The following MKI67 variants were observed in gnomAD, a reference collection of about 807,000 sequenced individuals.
The protein encoded by MKI67 is marker of proliferation Ki-67, also known as proliferation marker protein Ki-67.
Under a neutral mutation model 233.5 loss-of-function variants are expected in MKI67, and 152 were observed. The ratio of observed to expected loss-of-function variants is 0.65; its 90% CI spans 0.57 to 0.74. The LOEUF (loss-of-function observed/expected upper bound fraction) is 0.74, where lower values mean the gene tolerates loss of function less well. Ranked by LOEUF, MKI67 falls within the 30% of genes least tolerant of loss-of-function variation. MKI67 has a pLI of 0.00. For synonymous variants in MKI67, 1,465 were observed against 1,418.5 expected (o/e 1.03, Z -0.74); for missense variants, 3,940 against 3,885.2 (o/e 1.01, Z -0.37).
intron 4 of MKI67, among the ~76,000 whole-genome samples, chr10:128,121,918 A>G (rs897858421): frequency 6.6e-6 from 1 of 152,134 alleles, no homozygotes; most frequent in African/African-American, 2.4e-5. Context: ...TTCTTGTATC[A>G]CTGTTAAGGA....
chr10:128,100,461 C>A (rs1590291056), intron 14 of MKI67, among the ~76,000 whole-genome samples: 1 of 152,176 alleles, frequency 6.6e-6, no homozygotes, highest in East Asian at 1.9e-4. Flanking sequence ...GAGGTTATTG[C>A]TACATGAGTT....
chr10:128,113,995 ACTC>A (rs1372410162), intron 7 of MKI67, among the ~76,000 whole-genome samples: 1 of 150,422 alleles, frequency 6.6e-6, no homozygotes, highest in African/African-American at 2.5e-5. Flanking sequence ...AGCTGTAAAA[ACTC>A]CTCCAGGTGG....
chr10:128,110,244 A>G (rs1852641887), intron 12 of MKI67, 134 bp downstream of exon 12: 1 of 642,698 alleles, frequency 1.6e-6, no homozygotes, highest in Non-Finnish European at 2.4e-6. Flanking sequence ...TTCAATTAGA[A>G]CAGAGAAGAC....
chr10:128,117,957 C>T (rs755811649), intron 5 of MKI67, among the ~76,000 whole-genome samples: 2 of 152,212 alleles, frequency 1.3e-5, no homozygotes, highest in Non-Finnish European at 2.9e-5. Flanking sequence ...GTTCAACTGG[C>T]TTTTTGGTTT....
chr10:128,111,110 G>A (rs557324478), intron 11 of MKI67, among the ~76,000 whole-genome samples: 4 of 152,200 alleles, frequency 2.6e-5, no homozygotes, highest in South Asian at 2.1e-4. Flanking sequence ...GAGCCACTGC[G>A]CCGGCCATCC....
chr10:128,106,610 G>A lies in MKI67; in HGVS notation c.5230C>T (p.Leu1744=), dbSNP rs562471235. The A allele has an allele frequency of 6.2e-7, 1 of 1,614,188 alleles. No homozygotes were observed. Among genetic ancestry groups the A allele is most frequent in the Non-Finnish European group, 8.5e-7 (1 of 1,180,024 alleles). ...TTGGAGCTTGTTGGGGTGTCCACTA[G>A]GTCTGGCTGTGAAGCTCTGTAGGAT... The part of the protein sequence containing the change: ...KVSYRASQPD[L]VDTPTSSKPQ... The change falls in exon 13 of 15, where the codon CTA becomes TTA. Residue 1744 remains leucine (L), a synonymous_variant. Transcript: ENST00000368654.
rs141265599 is a variant in MKI67 at position 128,115,568 on chromosome 10, T to C, written c.840A>G (p.Leu280=). 6.2e-7 allele frequency: 1 copy of C among 1,614,256 alleles called. No homozygotes were observed. Among genetic ancestry groups the C allele is most frequent in the Non-Finnish European group, 8.5e-7 (1 of 1,180,048 alleles). Residue 280 remains leucine (L), a synonymous_variant, in exon 7 of 15, where the codon TTA becomes TTG. Coordinates refer to ENST00000368654, the MANE Select transcript of MKI67 (RefSeq NM_002417.5). The part of the protein sequence containing the change: ...YATEKESADG[L]QGETQLLVSR... ...AGACCAACAGTTGGGTCTCCCCCTG[T>C]AAACCATCAGCACTTTCTTTCTCTG...
Position 128,106,767 on chromosome 10 carries a change from A to G in MKI67, c.5073T>C (p.Thr1691=). ...KQILDSAASL[T]GSKRQLRTPK... Reference sequence around the variant, plus strand: ...GAGTTCTCAGCTGCCTCTTGCTGCCAGTTAGACTTGCTGCTGAGTCTAAGA... The same window carrying G: ...GAGTTCTCAGCTGCCTCTTGCTGCCGGTTAGACTTGCTGCTGAGTCTAAGA... Residue 1691 remains threonine (T), a synonymous_variant, in exon 13 of 15, where the codon ACT becomes ACC. Coordinates refer to ENST00000368654, the MANE Select transcript of MKI67 (RefSeq NM_002417.5). 1.2e-6 allele frequency: 2 copies of G among 1,614,078 alleles called. No homozygotes were observed. Among genetic ancestry groups the G allele is most frequent in the Non-Finnish European group, 1.7e-6 (2 of 1,180,032 alleles).
Position 128,109,385 on chromosome 10 carries a change from GT to G in MKI67, c.2454del (p.Lys818AsnfsTer13). The G allele has an allele frequency of 6.2e-7, 1 of 1,613,988 alleles. No individual in the cohort carries two copies. The highest frequency in any genetic ancestry group is 8.5e-7 in the Non-Finnish European group (1 of 1,179,914). On this transcript the variant is annotated frameshift_variant, in exon 13 of 15. Transcript: ENST00000368654. LOFTEE classifies it high-confidence loss of function. ...NVFFSAQNAA[K>X]QPSDKCSASP... ...CTTGCAGAGCATTTATCAGATGGCTGTTTTGCTGCATTCTGTGCACTGAAGA... is the reference window on the plus strand; with the variant it reads ...CTTGCAGAGCATTTATCAGATGGCTGTTTGCTGCATTCTGTGCACTGAAGA...
intron 14 of MKI67, 84 bp from the exon 15 acceptor site, chr10:128,099,339 G>T: frequency 4.9e-6 from 5 of 1,023,038 alleles, no homozygotes; most frequent in Non-Finnish European, 7.3e-6. Flanking sequence ...AACCCCAAAG[G>T]CTTACTAGGT....
chr10:128,105,168 T>C lies in MKI67; in HGVS notation c.6672A>G (p.Pro2224=), dbSNP rs766581429. 6.2e-7 allele frequency: 1 copy of C among 1,613,836 alleles called. No homozygotes were observed. Among genetic ancestry groups the C allele is most frequent in the Non-Finnish European group, 8.5e-7 (1 of 1,179,986 alleles). ...TTGGGGTACCCACTGGGTCTGGTTG[T>C]GGAGATCTGCAGGCTATTTTGGTAG... ...EKTTKIACRS[P]QPDPVGTPTI... The change falls in exon 13 of 15, where the codon CCA becomes CCG. Residue 2224 remains proline (P), a synonymous_variant. Transcript: ENST00000368654.
intron 12 of MKI67, 22 bp from the exon 13 acceptor site, chr10:128,109,445 T>C (rs371282832): frequency 1.2e-5 from 19 of 1,590,052 alleles, no homozygotes; most frequent in Admixed American, 3.6e-5. Flanking sequence ...ACATACACAA[T>C]AAAAACATTC....
In MKI67 at chr10:128,115,178, G is replaced by A; in HGVS notation, c.1230C>T (p.Asp410=). ...RTPAKVEDAA[D]SATKPENLSS... is the part of the protein sequence containing the mutation. ...AGAGATTTTCTGGCTTAGTGGCAGAGTCAGCTGCATCTTCAACTTTAGCTG... is the reference window on the plus strand; with the variant it reads ...AGAGATTTTCTGGCTTAGTGGCAGAATCAGCTGCATCTTCAACTTTAGCTG... The change falls in exon 7 of 15, where the codon GAC becomes GAT. Residue 410 remains aspartate, a synonymous_variant. Coordinates refer to ENST00000368654, the MANE Select transcript of MKI67 (RefSeq NM_002417.5). 6.2e-7 allele frequency: 1 copy of A among 1,614,214 alleles called. No homozygotes were observed. Among genetic ancestry groups the A allele is most frequent in the South Asian group, 1.1e-5 (1 of 91,076 alleles).
Position 128,107,558 on chromosome 10 carries a change from C to T in MKI67, c.4282G>A (p.Asp1428Asn), listed in dbSNP as rs199813600. The change falls in exon 13 of 15, where the codon GAT becomes AAT. Residue 1428 changes from aspartate (D) to asparagine (N), a missense_variant. Transcript: ENST00000368654. ...THTDKVPGGE[D>N]KSINAFRETA... The stretch of plus-strand genomic sequence containing the variant: ...TCCCTAAACGCGTTGATGCTTTTAT[C>T]CTCACCTCCTGGTACTTTATCTGTG... The T allele has an allele frequency of 7.2e-5, 116 of 1,613,938 alleles. No homozygotes were observed. Among genetic ancestry groups the T allele is most frequent in the Admixed American group, 4.0e-4 (24 of 59,992 alleles).
intron 11 of MKI67, 123 bp from the exon 12 acceptor site, chr10:128,110,656 G>A (rs1852655851): frequency 1.6e-6 from 1 of 621,486 alleles, no homozygotes; most frequent in Admixed American, 2.7e-5. Context: ...TTGAAATCCT[G>A]GTACATAGGC....
chr10:128,117,219 G>A (rs1339858153), intron 5 of MKI67, among the ~76,000 whole-genome samples: 1 of 151,914 alleles, frequency 6.6e-6, no homozygotes, highest in East Asian at 1.9e-4. Flanking sequence ...CCCCCCACGA[G>A]CTCAGAACTA....
In MKI67 at chr10:128,125,824, A is replaced by C. The variant is rs1204348666; in HGVS notation, c.-89-68T>G. On this transcript the variant is annotated intron_variant, in intron 1 of 14. Transcript: ENST00000368654. This position sits in a 1 kb window ranked among gnomAD's most constrained non-coding sequence, Gnocchi z 5.3. The stretch of plus-strand genomic sequence containing the variant: ...GAAGGGCCCCGTGCCCAATTCACCT[A>C]TCCCCGGCCACAGAAGCGCACACCG... The C allele has an allele frequency of 5.8e-6, 4 of 685,816 alleles. No individual in the cohort carries two copies. Among genetic ancestry groups the C allele is most frequent in the Non-Finnish European group, 5.2e-6 (2 of 386,704 alleles). The allele number at this position is 685,816 out of a possible 1,614,324, so 42.5% of individuals were successfully genotyped here. A position where few individuals can be genotyped will look rare whatever the true frequency, so the allele number is the denominator to read the frequency against.
Position 128,115,540 on chromosome 10 carries a change from G to C in MKI67, c.868C>G (p.Arg290Gly). ...LQGETQLLVS[R>G]KSRPKSGGSG... The stretch of plus-strand genomic sequence containing the variant: ...CCACCAGATTTTGGTCTTGACTTAC[G>C]CGAGACCAACAGTTGGGTCTCCCCC... The change falls in exon 7 of 15, where the codon CGT becomes GGT. Residue 290 changes from arginine to glycine, a missense_variant. By Grantham distance (125) the Arg-to-Gly change is moderately radical. Coordinates refer to ENST00000368654, the MANE Select transcript of MKI67 (RefSeq NM_002417.5). 5 of 1,614,168 alleles carry C rather than the reference G, an allele frequency of 3.1e-6. No homozygotes were observed. The highest frequency in any genetic ancestry group is 4.2e-6 in the Non-Finnish European group (5 of 1,180,034).
At position 128,106,302 on chromosome 10, in the gene MKI67, G is replaced by T. The variant is rs750584374; in HGVS notation, c.5538C>A (p.Asn1846Lys). ...TGGTAGTTTTCTCATCAGTCGTGGG[G>T]TTATCAGTGCATGGTGTCTGGAAAA... The part of the protein sequence containing the change: ...RELFQTPCTD[N>K]PTTDEKTTKK... Residue 1846 changes from asparagine (N) to lysine (K), a missense_variant, in exon 13 of 15, where the codon AAC (asparagine) becomes AAA (lysine). By Grantham distance (94) the Asn-to-Lys change is moderately conservative (BLOSUM62 0). Transcript: ENST00000368654. 6 of 1,613,276 alleles carry T rather than the reference G, an allele frequency of 3.7e-6. No homozygotes were observed. The highest frequency in any genetic ancestry group is 5.1e-6 in the Non-Finnish European group (6 of 1,179,890).
Sources: gnomAD v4.1 joint callset for allele counts (sites outside exome capture counted in the v4.1 genomes callset) on GRCh38, gnomAD v4.1.1 for gene constraint, Gnocchi (gnomAD v3.1) non-coding constraint, MANE v1.5 for transcripts, NCBI Gene and HGNC (gene_info 2026-07-23, HGNC 2026-07-21) for gene names.